Variants in EPC1 observed in about 807,000 individuals in gnomAD.
EPC1 encodes enhancer of polycomb homolog 1.
In EPC1, 12 loss-of-function variants were observed where a neutral mutation model predicts 98.4. That is an observed-to-expected ratio of 0.12 (90% CI 0.08 to 0.20). The LOEUF (loss-of-function observed/expected upper bound fraction) is 0.20, where lower values mean the gene tolerates loss of function less well. Among genes scored for constraint, EPC1 ranks in the 10% least tolerant of loss-of-function variants. EPC1 has a pLI of 1.00. For missense variants in EPC1, 729 were observed against 990.5 expected, an observed-to-expected ratio of 0.74 and a Z score of 3.54; for synonymous variants, 357 against 363.9, an observed-to-expected ratio of 0.98 and a Z score of 0.21.
At chr10:32,342,459 C>T (rs1345333058) in intron 1 of EPC1, among the ~76,000 whole-genome samples, 2 of 152,148 alleles carry the variant, frequency 1.3e-5, no homozygotes, top group Admixed American at 1.3e-4. Context: ...CAACTCCCAT[C>T]CACTTCTTAT....
intron 2 of EPC1, among the ~76,000 whole-genome samples, chr10:32,301,038 A>ATATT (rs71299736): frequency 0.32 from 46,032 of 142,942 alleles, 7,312 homozygotes; most frequent in Middle Eastern, 0.41. Context: ...AAGCACATTT[A>ATATT]TATCTATCTA....
At chr10:32,345,053 TAC>T (rs1418730363) in intron 1 of EPC1, 1 of 755,462 alleles carries the variant, frequency 1.3e-6, no homozygotes, top group Non-Finnish European at 1.6e-6. Context: ...AACACCCCAA[TAC>T]TTGAAAGTAT....
intron 1 of EPC1, among the ~76,000 whole-genome samples, chr10:32,315,739 T>C (rs1216869532): frequency 6.6e-6 from 1 of 152,228 alleles, no homozygotes; most frequent in East Asian, 1.9e-4. Context: ...AAATACCACC[T>C]AGTTTTTCTA....
chr10:32,349,069 C>T (rs1364300965), upstream of EPC1, among the ~76,000 whole-genome samples: 1 of 152,210 alleles, frequency 6.6e-6, no homozygotes, highest in Non-Finnish European at 1.5e-5. Context: ...GAATTGCCAA[C>T]TTCACTGTGG....
chr10:32,346,049 G>C (rs1308227347), intron 1 of EPC1, among the ~76,000 whole-genome samples: 1 of 152,210 alleles, frequency 6.6e-6, no homozygotes, highest in Non-Finnish European at 1.5e-5. Context: ...GCTCTGGAGA[G>C]GGATGGATAC....
chr10:32,273,427 A>G, intron 10 of EPC1, 146 bp from the exon 11 acceptor site: 1 of 1,073,968 alleles, frequency 9.3e-7, no homozygotes, highest in Non-Finnish European at 1.3e-6. Context: ...TCACTTCCAA[A>G]TGAAAATTTC....
chr10:32,308,325 G>A (rs1835993305), intron 1 of EPC1, among the ~76,000 whole-genome samples: 1 of 152,032 alleles, frequency 6.6e-6, no homozygotes, highest in South Asian at 2.1e-4. Flanking sequence ...GGGAGGCGGA[G>A]GTTTCAGTGA....
chr10:32,355,606 CCTTTTTTTTTTTTTTTTTT>C (rs1305043528), intron 1 of EPC1, among the ~76,000 whole-genome samples: 2 of 124,052 alleles, frequency 1.6e-5, no homozygotes, highest in African/African-American at 5.8e-5. Context: ...AGTGCCTTAC[CCTTTTTTTTTTTTTTTTTT>C]TTTTTTTTTT....
At chr10:32,322,741 A>G (rs918120790) in intron 1 of EPC1, among the ~76,000 whole-genome samples, 1 of 152,200 alleles carries the variant, frequency 6.6e-6, no homozygotes, top group African/African-American at 2.4e-5. Flanking sequence ...GATAGTTCTC[A>G]TCAATATGTG....
chr10:32,322,071 C>T (rs1254434703), intron 1 of EPC1, among the ~76,000 whole-genome samples: 1 of 147,446 alleles, frequency 6.8e-6, no homozygotes, highest in Non-Finnish European at 1.5e-5. Flanking sequence ...AATGTCCAGG[C>T]ATCCTAGATA....
intron 1 of EPC1, among the ~76,000 whole-genome samples, chr10:32,364,001 CATTTTT>C (rs1839520520): frequency 4.9e-5 from 3 of 61,840 alleles, no homozygotes; most frequent in East Asian, 5.5e-4. Flanking sequence ...ATCATGTTGG[CATTTTT>C]TTTTTTTTTT....
At chr10:32,331,028 CAAAT>C (rs1322183218) in intron 1 of EPC1, among the ~76,000 whole-genome samples, 3 of 151,552 alleles carry the variant, frequency 2.0e-5, no homozygotes, top group Admixed American at 1.3e-4. Context: ...AATTCCAAGA[CAAAT>C]GAATCAAGGT....
At chr10:32,309,419 CATA>C (rs962565080) in intron 1 of EPC1, among the ~76,000 whole-genome samples, 111 of 151,472 alleles carry the variant, frequency 7.3e-4, no homozygotes, top group African/African-American at 2.6e-3. Context: ...ATTATGTACC[CATA>C]ATAATAAAAA....
At chr10:32,320,911 TTTAAATG>T (rs56828014) in intron 1 of EPC1, among the ~76,000 whole-genome samples, 128,754 of 151,510 alleles carry the variant, frequency 0.85, 54,807 homozygotes, top group East Asian at 0.96. Context: ...ATGTGAGTTC[TTTAAATG>T]TTTGGTGGGA....
intron 1 of EPC1, among the ~76,000 whole-genome samples, chr10:32,338,297 G>C (rs1838102023): frequency 6.6e-6 from 1 of 152,002 alleles, no homozygotes; most frequent in South Asian, 2.1e-4. Context: ...TGTTGGTTCT[G>C]GCTCCTCAAA....
chr10:32,329,394 T>G (rs1344805608), intron 1 of EPC1, among the ~76,000 whole-genome samples: 1 of 152,232 alleles, frequency 6.6e-6, no homozygotes, highest in Non-Finnish European at 1.5e-5. Flanking sequence ...ACTAAGATTT[T>G]GGGATTGTTA....
At chr10:32,363,292 G>T (rs1225802943) in intron 1 of EPC1, among the ~76,000 whole-genome samples, 4 of 152,152 alleles carry the variant, frequency 2.6e-5, no homozygotes, top group Non-Finnish European at 5.9e-5. Flanking sequence ...TGTTGCCCAG[G>T]CTGGTCTCGA....
At chr10:32,289,866 C>T (rs891419175) in intron 6 of EPC1, among the ~76,000 whole-genome samples, 2 of 151,980 alleles carry the variant, frequency 1.3e-5, no homozygotes, top group Non-Finnish European at 2.9e-5. Flanking sequence ...CCTTGTGATC[C>T]GCCTGCCTCG....
intron 1 of EPC1, among the ~76,000 whole-genome samples, chr10:32,353,166 A>AC (rs1456875207): frequency 6.6e-6 from 1 of 151,894 alleles, no homozygotes; most frequent in Non-Finnish European, 1.5e-5. Context: ...AAAAAAAAAA[A>AC]AAAAAAGCAA....
Sources: gnomAD v4.1 joint callset for allele counts (sites outside exome capture counted in the v4.1 genomes callset) on GRCh38, gnomAD v4.1.1 for gene constraint, MANE v1.5 for transcripts, NCBI Gene and HGNC (gene_info 2026-07-23, HGNC 2026-07-21) for gene names.